The following EIF1B variants were observed in gnomAD, a reference collection of about 807,000 sequenced individuals.
EIF1B encodes eukaryotic translation initiation factor 1B.
A neutral mutation model predicts 14.8 loss-of-function variants in EIF1B; 5 were observed. The ratio of observed to expected loss-of-function variants is 0.34; its 90% CI spans 0.18 to 0.71. The LOEUF (loss-of-function observed/expected upper bound fraction) is 0.71, where lower values mean the gene tolerates loss of function less well. Ranked by LOEUF, EIF1B falls within the 30% of genes least tolerant of loss-of-function variation. EIF1B has a pLI of 0.64. For synonymous variants in EIF1B, 45 were observed against 45.8 expected, an observed-to-expected ratio of 0.98 and a Z score of 0.07; for missense variants, 56 against 134.0, an observed-to-expected ratio of 0.42 and a Z score of 2.87.
In EIF1B at chr3:40,312,199, T is replaced by C. The variant is rs1486856659; in HGVS notation, c.*185T>C. The C allele has an allele frequency of 1.8e-6, 1 of 559,594 alleles. No homozygotes were observed. The highest frequency in any genetic ancestry group is 1.9e-5 in the African/African-American group (1 of 52,516). The allele number at this position is 559,594 out of a possible 1,614,324, so 34.7% of individuals were successfully genotyped here. On this transcript the variant is annotated 3_prime_UTR_variant, in exon 4 of 4. Coordinates refer to ENST00000232905, the MANE Select transcript of EIF1B (RefSeq NM_005875.3). The stretch of plus-strand genomic sequence containing the variant: ...GTAGACTAGTAACACATAAGAAAAT[T>C]GCAGTAAGATGGTAACAAAACCTCA...
chr3:40,310,864 ATT>A (rs35523102), intron 1 of EIF1B, 27 bp from the exon 2 acceptor site: 61,168 of 1,354,230 alleles, frequency 0.045, 10 homozygotes, highest in East Asian at 0.12. Context: ...TCTACTTTGG[ATT>A]TTTTTTTTTT....
Position 40,309,886 on chromosome 3 carries a change from A to G in EIF1B, c.-56A>G. ...GCCACTACAGCCTCCTGACAAGGTG[A>G]TCCGGGCGGGCCCCGCAGGAATTTT... On this transcript the variant is annotated 5_prime_UTR_variant, in exon 1 of 4. Coordinates refer to ENST00000232905, the MANE Select transcript of EIF1B (RefSeq NM_005875.3). The G allele has an allele frequency of 1.3e-6, 2 of 1,594,978 alleles. No homozygotes were observed. The highest frequency in any genetic ancestry group is 8.6e-7 in the Non-Finnish European group (1 of 1,163,018).
Position 40,312,098 on chromosome 3 carries a change from A to G in EIF1B, c.*84A>G. ...GCTGCCTTGTGAAATGATTCCCTGCAGTAAACGGACTTTTCATTTATTTAA... is the reference window on the plus strand; with the variant it reads ...GCTGCCTTGTGAAATGATTCCCTGCGGTAAACGGACTTTTCATTTATTTAA... On this transcript the variant is annotated 3_prime_UTR_variant, in exon 4 of 4. Transcript: ENST00000232905. 1 of 930,810 alleles carries G rather than the reference A, an allele frequency of 1.1e-6. No individual in the cohort carries two copies. Among genetic ancestry groups the G allele is most frequent in the Non-Finnish European group, 1.7e-6 (1 of 573,216 alleles). The allele number at this position is 930,810 out of a possible 1,614,324, so 57.7% of individuals were successfully genotyped here. A position where few individuals can be genotyped will look rare whatever the true frequency, so the allele number is the denominator to read the frequency against.
In EIF1B at chr3:40,309,721, CCGCCTCTTCTCTCGCGCCCT is replaced by C; in HGVS notation, c.-211_-192del. ...CCATTTTGTGCGAGAAGCCGCAGCG[CCGCCTCTTCTCTCGCGCCCT>C]CGCCTCTTCCTCCGCCTCCTCCTTC... is the stretch of plus-strand genomic sequence containing the variant. On this transcript the variant is annotated 5_prime_UTR_variant, in exon 1 of 4. Transcript: ENST00000232905. 1.7e-6 allele frequency: 1 copy of C among 572,806 alleles called. No homozygotes were observed. The highest frequency in any genetic ancestry group is 2.2e-5 in the South Asian group (1 of 44,800). 35.5% of individuals were successfully genotyped at this position (572,806 alleles called of 1,614,324 possible).
In EIF1B at chr3:40,310,882, T is replaced by C; in HGVS notation, c.32-11T>C. The C allele has an allele frequency of 1.3e-6, 2 of 1,538,718 alleles. No individual in the cohort carries two copies. Among genetic ancestry groups the C allele is most frequent in the Non-Finnish European group, 8.7e-7 (1 of 1,146,252 alleles). Reference sequence around the variant, plus strand: ...ACTTTGGATTTTTTTTTTTTTTTTATCCATTCGCAGACCCCTTTGCTGATG... The same window carrying C: ...ACTTTGGATTTTTTTTTTTTTTTTACCCATTCGCAGACCCCTTTGCTGATG... On this transcript the variant is annotated splice_polypyrimidine_tract_variant and intron_variant, in intron 1 of 3. Coordinates refer to ENST00000232905, the MANE Select transcript of EIF1B (RefSeq NM_005875.3).
At chr3:40,310,005 G>T in intron 1 of EIF1B, 33 bp downstream of exon 1, 3 of 1,612,696 alleles carry the variant, frequency 1.9e-6, no homozygotes, top group Non-Finnish European at 2.5e-6. Flanking sequence ...TCCCTCCCTT[G>T]CCCGGCGCGC....
intron 3 of EIF1B, 198 bp downstream of exon 3, chr3:40,311,769 T>C: frequency 1.5e-6 from 1 of 658,434 alleles, no homozygotes; most frequent in Non-Finnish European, 2.6e-6. Flanking sequence ...ATCATTTCTT[T>C]ATATACACAC....
Position 40,311,501 on chromosome 3 carries a change from A to G in EIF1B, c.227A>G (p.His76Arg), listed in dbSNP as rs1262134708. The G allele has an allele frequency of 6.2e-7, 1 of 1,613,914 alleles. No individual in the cohort carries two copies. The highest frequency in any genetic ancestry group is 2.2e-5 in the East Asian group (1 of 44,854). Residue 76 changes from histidine (H) to arginine (R), a missense_variant, in exon 3 of 4, where the codon CAT becomes CGT. His to Arg is a conservative substitution (Grantham distance 29). This residue lies in a region of EIF1B where 35 missense variants were observed against 82.9 expected (regional missense o/e 0.42). Transcript: ENST00000232905. ...KFACNGTVIE[H>R]PEYGEVIQLQ... ...GCCTGTAATGGTACTGTGATTGAAC[A>G]TCCTGAATACGGAGAGGTTATTCAG...
At chr3:40,311,848 C>A in intron 3 of EIF1B, 122 bp from the exon 4 acceptor site, 1 of 810,398 alleles carries the variant, frequency 1.2e-6, no homozygotes, top group Non-Finnish European at 2.1e-6. Context: ...CAGTGCATGC[C>A]ACAGACAACA....
chr3:40,311,084 AG>A, intron 2 of EIF1B, 28 bp downstream of exon 2: 1 of 1,608,202 alleles, frequency 6.2e-7, no homozygotes, highest in Non-Finnish European at 8.5e-7. Flanking sequence ...AAAGGATTAG[AG>A]TTACTGATGC....
At chr3:40,310,207 G>T (rs570556969) in intron 1 of EIF1B, among the ~76,000 whole-genome samples, 1 of 152,202 alleles carries the variant, frequency 6.6e-6, no homozygotes, top group Non-Finnish European at 1.5e-5. Context: ...GCCACCCCCT[G>T]CCCCGTCCTT....
chr3:40,311,026 CA>C lies in EIF1B; in HGVS notation c.170del (p.Lys57ArgfsTer4). 6.2e-7 allele frequency: 1 copy of C among 1,613,212 alleles called. No homozygotes were observed. Among genetic ancestry groups the C allele is most frequent in the South Asian group, 1.1e-5 (1 of 90,928 alleles). ...TVQGIADDYD[K>X]KKLVKAFKKK... The stretch of plus-strand genomic sequence containing the variant: ...TTCAGGGCATTGCAGATGATTATGA[CA>C]AAAAGAAACTTGTGAAAGCTTTCAA... On this transcript the variant is annotated frameshift_variant, in exon 2 of 4. Coordinates refer to ENST00000232905, the MANE Select transcript of EIF1B (RefSeq NM_005875.3). LOFTEE classifies it high-confidence loss of function.
chr3:40,310,642 ACAT>A (rs1306172136), intron 1 of EIF1B: 1 of 328,974 alleles, frequency 3.0e-6, no homozygotes, highest in African/African-American at 2.1e-5. Flanking sequence ...TTGAACGATA[ACAT>A]TATTTATCTA....
intron 2 of EIF1B, 28 bp downstream of exon 2, chr3:40,311,084 A>G (rs1362978671): frequency 3.1e-6 from 5 of 1,608,202 alleles, no homozygotes; most frequent in Non-Finnish European, 4.3e-6. Context: ...AAAGGATTAG[A>G]GTTACTGATG....
chr3:40,310,689 C>A, intron 1 of EIF1B: 1 of 482,494 alleles, frequency 2.1e-6, no homozygotes, highest in Non-Finnish European at 3.6e-6. Context: ...CATAGCTGTT[C>A]AAATGTTTCT....
chr3:40,311,128 T>C (rs1475976520), intron 2 of EIF1B, 72 bp downstream of exon 2: 1 of 1,416,542 alleles, frequency 7.1e-7, no homozygotes, highest in African/African-American at 1.4e-5. Context: ...TTCACACCTT[T>C]ATATCGGCGT....
At chr3:40,310,403 C>T (rs1954309780) in intron 1 of EIF1B, among the ~76,000 whole-genome samples, 5 of 152,182 alleles carry the variant, frequency 3.3e-5, no homozygotes, top group Admixed American at 2.0e-4. Flanking sequence ...TGATCTGTCA[C>T]TGGCCAGTGG....
chr3:40,310,008 C>A (rs1180029243), intron 1 of EIF1B, 36 bp downstream of exon 1: 2 of 1,612,514 alleles, frequency 1.2e-6, no homozygotes, highest in East Asian at 2.2e-5. Context: ...CTCCCTTGCC[C>A]GGCGCGCATC....
At chr3:40,311,934 CAG>C (rs34544743) in intron 3 of EIF1B, 34 bp from the exon 4 acceptor site, 580,807 of 1,450,504 alleles carry the variant, frequency 0.4, 119,763 homozygotes, top group East Asian at 0.66. Context: ...TTATATTTCT[CAG>C]AGTTATTTTG....
Sources: gnomAD v4.1 joint callset for allele counts (sites outside exome capture counted in the v4.1 genomes callset) on GRCh38, gnomAD v4.1.1 for gene constraint, gnomAD v4.1.1 regional missense constraint, MANE v1.5 for transcripts, NCBI Gene and HGNC (gene_info 2026-07-23, HGNC 2026-07-21) for gene names.